The following MVB12B variants were observed in gnomAD, a reference collection of about 807,000 sequenced individuals.
MVB12B encodes multivesicular body subunit 12B.
MVB12B carries 16 observed loss-of-function variants against 41.6 expected under a neutral mutation model. That is an observed-to-expected ratio of 0.38 (90% CI 0.26 to 0.58). The LOEUF (loss-of-function observed/expected upper bound fraction) is 0.58, where lower values mean the gene tolerates loss of function less well. Ranked by LOEUF, MVB12B falls within the 20% of genes least tolerant of loss-of-function variation. The pLI is 0.62. For synonymous variants in MVB12B, 133 were observed against 139.7 expected, an observed-to-expected ratio of 0.95 and a Z score of 0.34; for missense variants, 274 against 380.2, an observed-to-expected ratio of 0.72 and a Z score of 2.32.
chr9:126,471,416 G>A (rs927050077), intron 7 of MVB12B, among the ~76,000 whole-genome samples: 4 of 152,202 alleles, frequency 2.6e-5, no homozygotes, highest in Admixed American at 2.0e-4. Flanking sequence ...CGGGGGACTC[G>A]GGAGGCTCCG....
chr9:126,419,715 C>T (rs144642599), intron 6 of MVB12B, among the ~76,000 whole-genome samples: 46 of 152,270 alleles, frequency 3.0e-4, no homozygotes, highest in African/African-American at 1.1e-3. Context: ...TCCTCACCCT[C>T]GCAGGGTTCC....
rs758061964 is a variant in MVB12B, at chr9:126,367,374, G to A, written c.205-13690G>A. ...ATGGTCTGCTCTCTCTCTCTCATCC[G>A]CGTGGCCAGTGGTCCAGCCAACCCC... On this transcript the variant is annotated intron_variant, in intron 2 of 9. Transcript: ENST00000361171. This position sits in a 1 kb window ranked among gnomAD's most constrained non-coding sequence, Gnocchi z 4.3. Among the ~76,000 whole-genome samples, 15 of 152,090 alleles carry A rather than the reference G, an allele frequency of 9.9e-5. No homozygotes were observed. The highest frequency in any genetic ancestry group is 5.8e-4 in the East Asian group (3 of 5,156).
intron 7 of MVB12B, chr9:126,448,400 T>G (rs190147067): frequency 9.8e-5 from 15 of 152,394 alleles, no homozygotes; most frequent in Admixed American, 7.2e-4. Context: ...AAGAGCTGAT[T>G]GTTCTACTAG....
At chr9:126,335,637 T>C (rs1010639659) in intron 1 of MVB12B, among the ~76,000 whole-genome samples, 1 of 152,200 alleles carries the variant, frequency 6.6e-6, no homozygotes, top group African/African-American at 2.4e-5. Context: ...AAAGACCCTT[T>C]CTATGAAGGC....
chr9:126,398,149 C>A (rs1264413142), intron 6 of MVB12B, among the ~76,000 whole-genome samples: 2 of 151,980 alleles, frequency 1.3e-5, no homozygotes, highest in Non-Finnish European at 2.9e-5. Context: ...GGACTTCTCT[C>A]CCGGGAAGCC....
At chr9:126,360,593 G>A (rs1054434651) in intron 2 of MVB12B, among the ~76,000 whole-genome samples, 2 of 152,154 alleles carry the variant, frequency 1.3e-5, no homozygotes, top group Non-Finnish European at 2.9e-5. Context: ...ATTAGGTCAA[G>A]TTGGTTGATA....
At chr9:126,476,769 C>G (rs931556729) in intron 7 of MVB12B, among the ~76,000 whole-genome samples, 1 of 146,010 alleles carries the variant, frequency 6.8e-6, no homozygotes, top group Non-Finnish European at 1.5e-5. Flanking sequence ...CCCAGCTACT[C>G]GGGAGGCTGA....
At chr9:126,498,043 G>A (rs1833874919) in intron 9 of MVB12B, among the ~76,000 whole-genome samples, 1 of 152,218 alleles carries the variant, frequency 6.6e-6, no homozygotes. Flanking sequence ...AGCGCTTCAG[G>A]CCTCGCCATA....
chr9:126,423,720 C>T (rs1832090127), intron 7 of MVB12B, among the ~76,000 whole-genome samples: 1 of 152,206 alleles, frequency 6.6e-6, no homozygotes, highest in South Asian at 2.1e-4. Context: ...AAGCTCAGCA[C>T]TGGGCAACTA....
At chr9:126,343,691 A>G (rs1829510246) in intron 2 of MVB12B, among the ~76,000 whole-genome samples, 1 of 152,182 alleles carries the variant, frequency 6.6e-6, no homozygotes, top group Non-Finnish European at 1.5e-5. Flanking sequence ...CGAAGTGGGC[A>G]GATCACTTGA....
chr9:126,463,757 G>A (rs1833139358), intron 7 of MVB12B, among the ~76,000 whole-genome samples: 1 of 152,146 alleles, frequency 6.6e-6, no homozygotes, highest in Non-Finnish European at 1.5e-5. Flanking sequence ...GGGGATCTTG[G>A]TCCCACTAAT....
At chr9:126,431,703 G>A (rs1234362643) in intron 7 of MVB12B, among the ~76,000 whole-genome samples, 1 of 152,114 alleles carries the variant, frequency 6.6e-6, no homozygotes, top group Non-Finnish European at 1.5e-5. Flanking sequence ...TAAATCTGTG[G>A]TCCAGGCAGC....
At chr9:126,330,693 G>A (rs369436915) in intron 1 of MVB12B, among the ~76,000 whole-genome samples, 1 of 152,150 alleles carries the variant, frequency 6.6e-6, no homozygotes, top group South Asian at 2.1e-4. Context: ...ACACTGTGGT[G>A]CAACTAAGCT....
chr9:126,381,517 C>T (rs1830635446), intron 3 of MVB12B, among the ~76,000 whole-genome samples: 1 of 152,138 alleles, frequency 6.6e-6, no homozygotes, highest in Non-Finnish European at 1.5e-5. Flanking sequence ...TTAATGCTGG[C>T]CAGCAAAGGC....
At position 126,428,043 on chromosome 9, in the gene MVB12B, C is replaced by G. The variant is rs529983405; in HGVS notation, c.757+6095C>G. Reference sequence around the variant, plus strand: ...TGTTTGCTTTTTAAAAACCAGCCCCCCTTTCAGGATGTTTGACACCAGGAA... The same window carrying G: ...TGTTTGCTTTTTAAAAACCAGCCCCGCTTTCAGGATGTTTGACACCAGGAA... On this transcript the variant is annotated intron_variant, in intron 7 of 9. Coordinates refer to ENST00000361171, the MANE Select transcript of MVB12B (RefSeq NM_033446.3). Among the ~76,000 whole-genome samples, 301 of 152,186 alleles carry G rather than the reference C, an allele frequency of 2.0e-3. 1 individual carries two copies. Among genetic ancestry groups the G allele is most frequent in the African/African-American group, 7.2e-3 (297 of 41,502 alleles).
chr9:126,442,681 G>C (rs10819158), intron 7 of MVB12B, among the ~76,000 whole-genome samples: 150,769 of 152,278 alleles, frequency 0.99, 74,658 homozygotes, highest in Middle Eastern at 1. Context: ...GAAAGAGCAG[G>C]TCCCAACTGT....
chr9:126,361,412 AT>A (rs547916138), intron 2 of MVB12B, among the ~76,000 whole-genome samples: 289 of 152,348 alleles, frequency 1.9e-3, no homozygotes, highest in African/African-American at 6.4e-3. Context: ...AAACTCCACA[AT>A]ACATTGTTAT....
At chr9:126,453,493 C>G (rs1832920244) in intron 7 of MVB12B, among the ~76,000 whole-genome samples, 1 of 152,216 alleles carries the variant, frequency 6.6e-6, no homozygotes, top group South Asian at 2.1e-4. Context: ...TGACTTCTTT[C>G]TGCCTGTGTG....
At chr9:126,410,178 C>T (rs1475941748) in intron 6 of MVB12B, among the ~76,000 whole-genome samples, 3 of 126,326 alleles carry the variant, frequency 2.4e-5, no homozygotes, top group Admixed American at 1.7e-4. Flanking sequence ...TGTGTGCACG[C>T]ATGCACGCGC....
Sources: gnomAD v4.1 joint callset for allele counts (sites outside exome capture counted in the v4.1 genomes callset) on GRCh38, gnomAD v4.1.1 for gene constraint, Gnocchi (gnomAD v3.1) non-coding constraint, MANE v1.5 for transcripts, NCBI Gene and HGNC (gene_info 2026-07-23, HGNC 2026-07-21) for gene names.